The following ABCC11 variants were observed in gnomAD, a reference collection of about 807,000 sequenced individuals.
ABCC11 encodes the protein ATP binding cassette subfamily C member 11.
A neutral mutation model predicts 149.3 loss-of-function variants in ABCC11; 135 were observed. The ratio of observed to expected loss-of-function variants is 0.90; its 90% CI spans 0.79 to 1.04. The LOEUF (loss-of-function observed/expected upper bound fraction) is 1.04. Ranked by LOEUF, ABCC11 falls within the 50% of genes least tolerant of loss-of-function variation. The pLI, the probability that ABCC11 is intolerant of heterozygous loss-of-function variation, is 0.00. For missense variants in ABCC11, 1,680 were observed against 1,722.1 expected (o/e 0.98, Z 0.43); for synonymous variants, 665 against 671.4 (o/e 0.99, Z 0.15).
chr16:48,184,428 T>A lies in ABCC11; in HGVS notation c.3258+12A>T. 6.2e-7 allele frequency: 1 copy of A among 1,611,380 alleles called. No individual in the cohort carries two copies. ...AAGCTCAGAGAGGGCCCACACAGAGTCACCCCCTCACCTGCAGCACGATGT... is the reference window on the plus strand; with the variant it reads ...AAGCTCAGAGAGGGCCCACACAGAGACACCCCCTCACCTGCAGCACGATGT... On this transcript the variant is annotated intron_variant, in intron 23 of 29. Coordinates refer to ENST00000356608, the MANE Select transcript of ABCC11 (RefSeq NM_001370497.1).
intron 26 of ABCC11, among the ~76,000 whole-genome samples, chr16:48,174,493 T>C (rs903811572): frequency 6.6e-6 from 1 of 152,230 alleles, no homozygotes; most frequent in African/African-American, 2.4e-5. Flanking sequence ...AAGTGCATTG[T>C]CAGTAGGAGC....
chr16:48,216,152 T>A lies in ABCC11; in HGVS notation c.913A>T (p.Ile305Phe), dbSNP rs757024723. ...SYFIIGYTAF[I>F]AILCYLLVFP... Reference sequence around the variant, plus strand: ...ACCAGGAGATAGCATAAGATGGCAATAAATGCAGTGTATCCAATAATGAAG... The same window carrying A: ...ACCAGGAGATAGCATAAGATGGCAAAAAATGCAGTGTATCCAATAATGAAG... Residue 305 changes from isoleucine to phenylalanine, a missense_variant, in exon 7 of 30, where the codon ATT (isoleucine) becomes TTT (phenylalanine). Transcript: ENST00000356608. 1.1e-5 allele frequency: 17 copies of A among 1,614,118 alleles called. No homozygotes were observed. Among genetic ancestry groups the A allele is most frequent in the Non-Finnish European group, 1.4e-5 (17 of 1,180,012 alleles).
chr16:48,238,158 T>C (rs1342801559), intron 1 of ABCC11, among the ~76,000 whole-genome samples: 1 of 152,246 alleles, frequency 6.6e-6, no homozygotes, highest in African/African-American at 2.4e-5. Context: ...GTGAAAATGA[T>C]GTTCAGTGAA....
intron 23 of ABCC11, among the ~76,000 whole-genome samples, chr16:48,180,655 A>G (rs528396731): frequency 6.6e-6 from 1 of 152,332 alleles, no homozygotes; most frequent in Admixed American, 6.5e-5. Flanking sequence ...TCAAAAGCGC[A>G]TGCAGAAGTC....
At chr16:48,224,151 T>A in intron 5 of ABCC11, 131 bp downstream of exon 5, 1 of 1,276,426 alleles carries the variant, frequency 7.8e-7, no homozygotes, top group Non-Finnish European at 1.1e-6. Context: ...CAAAAGGTCT[T>A]CATTTTCTAG....
chr16:48,183,152 A>G (rs1966548581), intron 23 of ABCC11, among the ~76,000 whole-genome samples: 1 of 152,254 alleles, frequency 6.6e-6, no homozygotes, highest in South Asian at 2.1e-4. Context: ...CTCTCAGGGG[A>G]CATACGCAAG....
intron 22 of ABCC11, among the ~76,000 whole-genome samples, chr16:48,184,894 C>T (rs1052850374): frequency 1.3e-5 from 2 of 152,236 alleles, no homozygotes; most frequent in African/African-American, 4.8e-5. Flanking sequence ...CTGTGACTCA[C>T]TCAGGGATGG....
intron 20 of ABCC11, among the ~76,000 whole-genome samples, chr16:48,187,804 G>A (rs1378308447): frequency 6.6e-6 from 1 of 152,216 alleles, no homozygotes; most frequent in Non-Finnish European, 1.5e-5. Context: ...AGCTATTAGA[G>A]AGAGAGAGAA....
chr16:48,182,653 G>T (rs1966514373), intron 23 of ABCC11, among the ~76,000 whole-genome samples: 1 of 151,958 alleles, frequency 6.6e-6, no homozygotes, highest in South Asian at 2.1e-4. Context: ...CATGGTGGCG[G>T]GCCCCTGTAG....
At chr16:48,197,901 G>T in intron 17 of ABCC11, 70 bp downstream of exon 17, 1 of 1,523,270 alleles carries the variant, frequency 6.6e-7, no homozygotes. Context: ...GGTCAAGGAG[G>T]AAACACTGGG....
chr16:48,235,227 CAA>C (rs1970628353), intron 1 of ABCC11: 1 of 152,192 alleles, frequency 6.6e-6, no homozygotes, highest in Admixed American at 6.5e-5. Context: ...CAAAGAGATG[CAA>C]AGAGATGCAA....
chr16:48,175,446 A>C lies in ABCC11; in HGVS notation c.3539-29T>G, dbSNP rs375801383. ...TGGGGCAAGAAACAAGCGGGGCCTC[A>C]GTTTCCTGCATCTGCACTAGCGGAA... On this transcript the variant is annotated intron_variant, in intron 25 of 29. Coordinates refer to ENST00000356608, the MANE Select transcript of ABCC11 (RefSeq NM_001370497.1). 122 of 1,590,938 alleles carry C rather than the reference A, an allele frequency of 7.7e-5. No homozygotes were observed. In the African/African-American group the frequency reaches 1.1e-3, roughly 15 times the overall value.
intron 18 of ABCC11, among the ~76,000 whole-genome samples, chr16:48,196,028 T>C (rs1373483304): frequency 6.6e-6 from 1 of 152,182 alleles, no homozygotes; most frequent in East Asian, 1.9e-4. Context: ...ATAATGAGTA[T>C]ACATGAAAAT....
At chr16:48,211,447 G>A (rs1198470209) in intron 10 of ABCC11, among the ~76,000 whole-genome samples, 2 of 152,150 alleles carry the variant, frequency 1.3e-5, no homozygotes, top group Non-Finnish European at 2.9e-5. Flanking sequence ...ACTGTCAACT[G>A]CAACTCTGCG....
At chr16:48,192,809 T>C in intron 19 of ABCC11, 92 bp from the exon 20 acceptor site, 1 of 1,314,174 alleles carries the variant, frequency 7.6e-7, no homozygotes, top group African/African-American at 1.4e-5. Flanking sequence ...TGAGAATCTG[T>C]GGCTGGTAGA....
chr16:48,243,260 G>A (rs1260872018), intron 1 of ABCC11, among the ~76,000 whole-genome samples: 2 of 151,848 alleles, frequency 1.3e-5, no homozygotes, highest in Non-Finnish European at 2.9e-5. Flanking sequence ...AATTAGCCGG[G>A]CGTGGTTGCG....
In ABCC11 at chr16:48,216,221, G is replaced by T; in HGVS notation, c.844C>A (p.Leu282Met). 6.2e-7 allele frequency: 1 copy of T among 1,614,152 alleles called. No homozygotes were observed. Among genetic ancestry groups the T allele is most frequent in the Non-Finnish European group, 8.5e-7 (1 of 1,180,002 alleles). ...ATGACCAGCGATGCGCAGGTGATCA[G>T]TACTAGGGGTCCATAGCACACCCCT... ...FEGVCYGPLV[L>M]ITCASLVICS... The change falls in exon 7 of 30, where the codon CTG (leucine) becomes ATG (methionine). Residue 282 changes from leucine to methionine, a missense_variant. By Grantham distance (15) the Leu-to-Met change is conservative (BLOSUM62 2). Transcript: ENST00000356608.
At chr16:48,222,906 G>T in intron 5 of ABCC11, 75 bp from the exon 6 acceptor site, 1 of 1,273,684 alleles carries the variant, frequency 7.9e-7, no homozygotes, top group South Asian at 1.4e-5. Context: ...CTGGAAGAAG[G>T]GTTGGGAGGT....
At chr16:48,197,881 C>T in intron 17 of ABCC11, 90 bp downstream of exon 17, 1 of 1,381,866 alleles carries the variant, frequency 7.2e-7, no homozygotes, top group Non-Finnish European at 1.0e-6. Flanking sequence ...AGGGACATGG[C>T]CCAGTCTGGG....
Sources: allele counts gnomAD v4.1 joint callset (sites outside exome capture counted in the v4.1 genomes callset), GRCh38; gene constraint gnomAD v4.1.1; transcripts MANE v1.5; gene names NCBI Gene and HGNC (gene_info 2026-07-23, HGNC 2026-07-21).